Variants in PTBP2 observed in about 807,000 individuals in gnomAD.
PTBP2 encodes polypyrimidine tract-binding protein 2.
A neutral mutation model predicts 61.4 loss-of-function variants in PTBP2; 13 were observed. That is an observed-to-expected ratio of 0.21 (90% CI 0.14 to 0.34). The LOEUF (loss-of-function observed/expected upper bound fraction) is 0.34, where lower values mean the gene tolerates loss of function less well. Ranked by LOEUF, PTBP2 falls within the 10% of genes least tolerant of loss-of-function variation. The pLI, the probability that PTBP2 is intolerant of heterozygous loss-of-function variation, is 1.00. For missense variants in PTBP2, 405 were observed against 642.6 expected (o/e 0.63, Z 4.00); for synonymous variants, 215 against 218.5 (o/e 0.98, Z 0.14).
At chr1:96,723,727 T>G in intron 2 of PTBP2, 133 bp downstream of exon 2, 1 of 741,282 alleles carries the variant, frequency 1.3e-6, no homozygotes, top group Non-Finnish European at 2.2e-6. Flanking sequence ...CTTTCATTTG[T>G]AAAGTTGGAC....
intron 2 of PTBP2, among the ~76,000 whole-genome samples, chr1:96,733,468 C>A (rs1414740904): frequency 1.3e-5 from 2 of 152,222 alleles, no homozygotes; most frequent in South Asian, 4.2e-4. Flanking sequence ...CACTTGAGCC[C>A]AGGAGTTTGA....
At chr1:96,773,906 TG>T (rs1657692230) in intron 5 of PTBP2, among the ~76,000 whole-genome samples, 1 of 144,902 alleles carries the variant, frequency 6.9e-6, no homozygotes, top group South Asian at 2.2e-4. Flanking sequence ...GAGCTTGCAG[TG>T]AGCCGAGATC....
At chr1:96,750,954 A>G (rs988621167) in intron 2 of PTBP2, among the ~76,000 whole-genome samples, 2 of 152,062 alleles carry the variant, frequency 1.3e-5, no homozygotes, top group Non-Finnish European at 2.9e-5. Context: ...TCGGTGTTCT[A>G]GCCACTGAAG....
At chr1:96,822,211 A>C (rs925375097) in exon 14 of PTBP2, 1 of 152,234 alleles carries the variant, frequency 6.6e-6, no homozygotes, top group African/African-American at 2.4e-5. Flanking sequence ...GTGTTATTAC[A>C]GTGTGCTCAA....
chr1:96,786,129 AT>A (rs1659177255), intron 8 of PTBP2, among the ~76,000 whole-genome samples: 1 of 152,192 alleles, frequency 6.6e-6, no homozygotes, highest in Admixed American at 6.5e-5. Flanking sequence ...TATGTCTGTC[AT>A]TTCAAAAGAA....
chr1:96,760,900 A>C (rs1655765010), intron 3 of PTBP2, among the ~76,000 whole-genome samples: 1 of 152,048 alleles, frequency 6.6e-6, no homozygotes. Flanking sequence ...AAATAACCCA[A>C]ATGTTTATCA....
Position 96,721,873 on chromosome 1 carries a change from G to A in PTBP2, c.8+1G>A. The A allele has an allele frequency of 1.3e-6, 2 of 1,575,650 alleles. No homozygotes were observed. The highest frequency in any genetic ancestry group is 8.6e-7 in the Non-Finnish European group (1 of 1,160,548). ...CTTTGTCCGGTTCGGCAATGGACGGGTATGTAATCGGGCCGGCGAGAAGGT... is the reference window on the plus strand; with the variant it reads ...CTTTGTCCGGTTCGGCAATGGACGGATATGTAATCGGGCCGGCGAGAAGGT... On this transcript the variant is annotated splice_donor_variant, in intron 1 of 13. Coordinates refer to ENST00000674951, the MANE Select transcript of PTBP2 (RefSeq NM_021190.4). LOFTEE classifies it high-confidence loss of function.
At chr1:96,761,592 T>C (rs1329661477) in intron 3 of PTBP2, among the ~76,000 whole-genome samples, 1 of 151,938 alleles carries the variant, frequency 6.6e-6, no homozygotes, top group Non-Finnish European at 1.5e-5. Context: ...AGAAGACAAG[T>C]TTGGAATAAT....
intron 2 of PTBP2, among the ~76,000 whole-genome samples, chr1:96,735,426 G>A (rs1652037196): frequency 6.6e-6 from 1 of 152,252 alleles, no homozygotes; most frequent in South Asian, 2.1e-4. Context: ...GTTAACCTCT[G>A]AGCTTCAGTT....
chr1:96,743,131 G>A (rs532856746), intron 2 of PTBP2, among the ~76,000 whole-genome samples: 30 of 151,836 alleles, frequency 2.0e-4, no homozygotes, highest in African/African-American at 6.8e-4. Flanking sequence ...CTAAAAATAC[G>A]AAAAAATTAG....
intron 8 of PTBP2, among the ~76,000 whole-genome samples, chr1:96,786,627 A>G (rs762070825): frequency 2.0e-5 from 3 of 152,190 alleles, no homozygotes; most frequent in Non-Finnish European, 4.4e-5. Context: ...AAATTTATTG[A>G]GTAGCTTCTA....
intron 8 of PTBP2, among the ~76,000 whole-genome samples, chr1:96,790,025 G>A (rs1335640195): frequency 6.6e-6 from 1 of 152,048 alleles, no homozygotes; most frequent in African/African-American, 2.4e-5. Flanking sequence ...TCCTATGGAG[G>A]GCCGCACATA....
At chr1:96,766,653 A>G (rs888979608) in intron 3 of PTBP2, among the ~76,000 whole-genome samples, 4 of 152,314 alleles carry the variant, frequency 2.6e-5, no homozygotes, top group Admixed American at 6.5e-5. Context: ...TTCTCATAGT[A>G]TCATTTATTT....
At chr1:96,784,718 T>G (rs1223767066) in intron 7 of PTBP2, among the ~76,000 whole-genome samples, 3 of 152,054 alleles carry the variant, frequency 2.0e-5, no homozygotes, top group Non-Finnish European at 4.4e-5. Flanking sequence ...TTGAGCAGAG[T>G]AGTGTGGTAC....
chr1:96,760,611 A>G (rs12118093), intron 3 of PTBP2, among the ~76,000 whole-genome samples: 5,530 of 151,866 alleles, frequency 0.036, 127 homozygotes, highest in Non-Finnish European at 0.057. Flanking sequence ...ACACCCGGCT[A>G]ATTTTTTGTA....
intron 7 of PTBP2, among the ~76,000 whole-genome samples, chr1:96,784,609 A>G (rs900823800): frequency 3.9e-5 from 6 of 152,162 alleles, no homozygotes; most frequent in Admixed American, 3.9e-4. Flanking sequence ...GCAACTTTGT[A>G]CAATGTGGCA....
rs1661539078 is a variant in PTBP2 at position 96,806,844 on chromosome 1, CCT to C, written c.1079-17_1079-16del. The C allele has an allele frequency of 1.3e-6, 2 of 1,576,388 alleles. No homozygotes were observed. The highest frequency in any genetic ancestry group is 2.7e-5 in the African/African-American group (2 of 72,922). ...TAAAATTAATTCCATTTTTGGATTA[CCT>C]CTCTGTGGCTCCAAAAAAGGTGTTT... On this transcript the variant is annotated intron_variant, in intron 10 of 13. Coordinates refer to ENST00000674951, the MANE Select transcript of PTBP2 (RefSeq NM_021190.4).
chr1:96,731,274 A>G (rs1570704191), intron 2 of PTBP2, among the ~76,000 whole-genome samples: 1 of 152,280 alleles, frequency 6.6e-6, no homozygotes, highest in East Asian at 1.9e-4. Flanking sequence ...CAGAACACTC[A>G]TTTGTTTTTC....
intron 3 of PTBP2, among the ~76,000 whole-genome samples, chr1:96,759,719 T>C (rs1251880524): frequency 6.6e-6 from 1 of 152,200 alleles, no homozygotes; most frequent in East Asian, 1.9e-4. Context: ...AAGACATTGT[T>C]AAGACATTGA....
Sources: gnomAD v4.1 joint callset for allele counts (sites outside exome capture counted in the v4.1 genomes callset) on GRCh38, gnomAD v4.1.1 for gene constraint, MANE v1.5 for transcripts, NCBI Gene and HGNC (gene_info 2026-07-23, HGNC 2026-07-21) for gene names.